PODXL: variants seen among roughly 807,000 people sequenced by gnomAD.
The protein encoded by PODXL is podocalyxin like.
A neutral mutation model predicts 48.9 loss-of-function variants in PODXL; 20 were observed. The ratio of observed to expected loss-of-function variants is 0.41; its 90% CI spans 0.29 to 0.59. PODXL has a LOEUF of 0.59. Ranked by LOEUF, PODXL falls within the 20% of genes least tolerant of loss-of-function variation. PODXL has a pLI of 0.31. For missense variants in PODXL, 606 were observed against 675.1 expected, an observed-to-expected ratio of 0.90 and a Z score of 1.13; for synonymous variants, 295 against 287.4, an observed-to-expected ratio of 1.03 and a Z score of -0.27.
rs1347812546 is a variant in PODXL, at chr7:131,508,972, G to A, written c.1080C>T (p.Asn360=). The A allele has an allele frequency of 1.9e-6, 3 of 1,613,814 alleles. No homozygotes were observed. Among genetic ancestry groups the A allele is most frequent in the Middle Eastern group, 1.7e-4 (1 of 6,060 alleles). ...QTQSEKQLVL[N]LTGNTLCAGG... ...TCACACAGAGGGTGTTTCCTGTGAG[G>A]TTCAGGACGAGCTGCTTCTCACTCT... Residue 360 remains asparagine, a synonymous_variant, in exon 5 of 9, where the codon AAC becomes AAT. Coordinates refer to ENST00000378555, the MANE Select transcript of PODXL (RefSeq NM_001018111.3).
Position 131,529,830 on chromosome 7 carries a change from T to TA in PODXL, c.101-18398_101-18397insT, listed in dbSNP as rs1343067405. 2.6e-5 allele frequency among the ~76,000 whole-genome samples: 4 copies of TA among 152,158 alleles called. No individual in the cohort carries two copies. In the East Asian group the frequency reaches 7.8e-4, roughly 30 times the overall value. On this transcript the variant is annotated intron_variant, in intron 1 of 8. Coordinates refer to ENST00000378555, the MANE Select transcript of PODXL (RefSeq NM_001018111.3). ...AAGATTCCTAAGGTCCCTCGGGGTGTGTACGCACTCTCCTGAGCACGACAC... is the reference window on the plus strand; with the variant it reads ...AAGATTCCTAAGGTCCCTCGGGGTGTAGTACGCACTCTCCTGAGCACGACAC...
intron 1 of PODXL, among the ~76,000 whole-genome samples, chr7:131,541,360 G>A (rs996496833): frequency 3.3e-5 from 5 of 151,956 alleles, no homozygotes; most frequent in Non-Finnish European, 7.4e-5. Flanking sequence ...AAGTGGGGTT[G>A]GGGGTGACTT....
intron 1 of PODXL, among the ~76,000 whole-genome samples, chr7:131,549,993 C>A (rs956038481): frequency 6.6e-6 from 1 of 152,252 alleles, no homozygotes; most frequent in Non-Finnish European, 1.5e-5. Context: ...CGATTCAGGG[C>A]AGGGCCAGGA....
At chr7:131,554,284 G>A (rs977209543) in intron 1 of PODXL, among the ~76,000 whole-genome samples, 3 of 152,014 alleles carry the variant, frequency 2.0e-5, no homozygotes, top group Non-Finnish European at 4.4e-5. Context: ...AGCCTTTTCT[G>A]GCCTCAATAC....
chr7:131,517,499 C>T (rs912526257), intron 1 of PODXL, among the ~76,000 whole-genome samples: 5 of 152,290 alleles, frequency 3.3e-5, no homozygotes, highest in African/African-American at 9.6e-5. Flanking sequence ...TTGAATGAAT[C>T]GTGCATTTCT....
intron 1 of PODXL, among the ~76,000 whole-genome samples, chr7:131,512,765 G>A (rs1344505840): frequency 6.6e-6 from 1 of 152,058 alleles, no homozygotes; most frequent in Admixed American, 6.6e-5. Flanking sequence ...ATCACTTGAG[G>A]TCAGGAGTTA....
At chr7:131,523,722 AGAAAAACC>A (rs2116818923) in intron 1 of PODXL, among the ~76,000 whole-genome samples, 1 of 151,542 alleles carries the variant, frequency 6.6e-6, no homozygotes, top group African/African-American at 2.4e-5. Flanking sequence ...AAAAAGAAAA[AGAAAAACC>A]ATATGATCAG....
chr7:131,537,363 G>T (rs1584826886), intron 1 of PODXL, among the ~76,000 whole-genome samples: 1 of 151,638 alleles, frequency 6.6e-6, no homozygotes, highest in East Asian at 1.9e-4. Flanking sequence ...CCAGCACTTT[G>T]GGAGGCCTAG....
chr7:131,537,987 G>C (rs1248100413), intron 1 of PODXL, among the ~76,000 whole-genome samples: 1 of 152,196 alleles, frequency 6.6e-6, no homozygotes, highest in Admixed American at 6.5e-5. Context: ...CATTTGGGCG[G>C]CTTCCAGTTT....
intron 1 of PODXL, among the ~76,000 whole-genome samples, chr7:131,528,402 G>A (rs1477108474): frequency 6.6e-6 from 1 of 152,282 alleles, no homozygotes; most frequent in Middle Eastern, 3.4e-3. Context: ...AAATAGGAAC[G>A]TGAACCTCTT....
At chr7:131,509,189 A>G in intron 4 of PODXL, 161 bp from the exon 5 acceptor site, 1 of 816,918 alleles carries the variant, frequency 1.2e-6, no homozygotes, top group Non-Finnish European at 2.1e-6. Flanking sequence ...GCGTGGCTTG[A>G]GGGCAGCTCA....
chr7:131,532,455 A>AAAT (rs1798297093), intron 1 of PODXL, among the ~76,000 whole-genome samples: 7 of 149,374 alleles, frequency 4.7e-5, no homozygotes, highest in South Asian at 4.3e-4. Flanking sequence ...AAAAAAATTA[A>AAAT]AAATAAATAA....
rs1213193554 is a variant in PODXL at position 131,556,554 on chromosome 7, G to T, written c.-195C>A. Reference sequence around the variant, plus strand: ...CGCTGCAGCAGAGCCGGGCTGGGGCGCAGAGCCAGTGGCAGAGGAGCGGCG... The same window carrying T: ...CGCTGCAGCAGAGCCGGGCTGGGGCTCAGAGCCAGTGGCAGAGGAGCGGCG... On this transcript the variant is annotated 5_prime_UTR_variant, in exon 1 of 9. Transcript: ENST00000378555. 1.0e-5 allele frequency: 6 copies of T among 590,950 alleles called. No individual in the cohort carries two copies. The highest frequency in any genetic ancestry group is 1.5e-5 in the Non-Finnish European group (6 of 410,280). The allele number at this position is 590,950 out of a possible 1,614,324, so 36.6% of individuals were successfully genotyped here. A position where few individuals can be genotyped will look rare whatever the true frequency, so the allele number is the denominator to read the frequency against.
rs1797739509 is a variant in PODXL, at chr7:131,503,206, G to C, written c.*1105C>G. 1.3e-5 allele frequency: 2 copies of C among 152,680 alleles called. No homozygotes were observed. The highest frequency in any genetic ancestry group is 2.9e-5 in the Non-Finnish European group (2 of 68,056). 9.5% of individuals were successfully genotyped at this position (152,680 alleles called of 1,614,324 possible). ...TACAGGGGAAAGCCTGTCCTTCCTG[G>C]CTGCTTTAATGGATTGTCTCTGAAG... On this transcript the variant is annotated 3_prime_UTR_variant, in exon 9 of 9. Coordinates refer to ENST00000378555, the MANE Select transcript of PODXL (RefSeq NM_001018111.3).
intron 1 of PODXL, among the ~76,000 whole-genome samples, chr7:131,525,151 ACT>A (rs901731610): frequency 1.3e-5 from 2 of 152,090 alleles, no homozygotes; most frequent in African/African-American, 4.8e-5. Context: ...GATCCACAAG[ACT>A]CTGCATCTGT....
chr7:131,506,050 G>A lies in PODXL; in HGVS notation c.1312-15C>T. The A allele has an allele frequency of 6.2e-7, 1 of 1,606,136 alleles. No individual in the cohort carries two copies. On this transcript the variant is annotated splice_polypyrimidine_tract_variant and intron_variant, in intron 7 of 8. Transcript: ENST00000378555. ...CTGACCCCTGCCTGCATGGGAAGTG[G>A]CAGAGAACAGGCTGGGGGCATCCTC...
chr7:131,527,192 G>A (rs1798201850), intron 1 of PODXL, among the ~76,000 whole-genome samples: 1 of 152,170 alleles, frequency 6.6e-6, no homozygotes, highest in African/African-American at 2.4e-5. Context: ...ACAGTTGACA[G>A]TACAGCTGAC....
intron 6 of PODXL, 52 bp downstream of exon 6, chr7:131,506,527 C>G: frequency 1.9e-6 from 3 of 1,585,124 alleles, no homozygotes; most frequent in Non-Finnish European, 2.6e-6. Context: ...CTGCATGCCC[C>G]CCATTCCCAC....
intron 1 of PODXL, among the ~76,000 whole-genome samples, chr7:131,512,835 GCTGGGCGTGGTGATGGTAGTAAAGTAA>G (rs916614250): frequency 4.0e-5 from 6 of 151,778 alleles, no homozygotes; most frequent in South Asian, 4.2e-4. Context: ...AAATAAATAA[GCTGGGCGTGGTGATGGTAGTAAAGTAA>G]CTGGGCGTGG....
Sources: gnomAD v4.1 joint callset for allele counts (sites outside exome capture counted in the v4.1 genomes callset) on GRCh38, gnomAD v4.1.1 for gene constraint, MANE v1.5 for transcripts, NCBI Gene and HGNC (gene_info 2026-07-23, HGNC 2026-07-21) for gene names.